CAMTA1: variants seen among roughly 807,000 people sequenced by gnomAD.
The protein encoded by CAMTA1 is calmodulin-binding transcription activator 1.
In CAMTA1, 27 loss-of-function variants were observed where a neutral mutation model predicts 170.9. That is an observed-to-expected ratio of 0.16 (90% confidence interval 0.12 to 0.22). The LOEUF (loss-of-function observed/expected upper bound fraction) is 0.22. Among genes scored for constraint, CAMTA1 ranks in the 10% least tolerant of loss-of-function variants. CAMTA1 has a pLI of 1.00. For synonymous variants in CAMTA1, 833 were observed against 891.5 expected (o/e 0.93, Z 1.17); for missense variants, 1,619 against 2,217.2 (o/e 0.73, Z 5.42).
At chr1:7,631,092 T>A (rs1369978220) in intron 6 of CAMTA1, among the ~76,000 whole-genome samples, 1 of 151,968 alleles carries the variant, frequency 6.6e-6, no homozygotes, top group African/African-American at 2.4e-5. Context: ...CCACAGAGGG[T>A]GTTCTAACTA....
At chr1:7,353,705 T>G (rs912913202) in intron 5 of CAMTA1, among the ~76,000 whole-genome samples, 5 of 152,178 alleles carry the variant, frequency 3.3e-5, no homozygotes, top group African/African-American at 1.2e-4. Flanking sequence ...ATTACAGGTG[T>G]GAGCCACCGT....
At chr1:7,017,790 C>G (rs1275483579) in intron 3 of CAMTA1, among the ~76,000 whole-genome samples, 1 of 152,180 alleles carries the variant, frequency 6.6e-6, no homozygotes, top group Non-Finnish European at 1.5e-5. Flanking sequence ...AAGCCTGACC[C>G]CTGCCTGTTT....
chr1:7,430,262 G>C (rs1287567434), intron 5 of CAMTA1, among the ~76,000 whole-genome samples: 1 of 151,972 alleles, frequency 6.6e-6, no homozygotes, highest in African/African-American at 2.4e-5. Context: ...TGCTGATGAT[G>C]ATGGGGATGA....
At chr1:7,211,914 T>G (rs976630393) in intron 4 of CAMTA1, among the ~76,000 whole-genome samples, 4 of 152,252 alleles carry the variant, frequency 2.6e-5, no homozygotes, top group African/African-American at 9.6e-5. Context: ...TGATACCAAT[T>G]CTAGTCCAAC....
intron 5 of CAMTA1, among the ~76,000 whole-genome samples, chr1:7,406,416 G>A (rs531757320): frequency 1.3e-5 from 2 of 152,164 alleles, no homozygotes; most frequent in Non-Finnish European, 2.9e-5. Flanking sequence ...AGTCCTCCAC[G>A]TCTTAGATGA....
chr1:7,091,488 C>A (rs766221336), intron 4 of CAMTA1, 117 bp downstream of exon 4: 2 of 778,320 alleles, frequency 2.6e-6, no homozygotes, highest in Non-Finnish European at 4.5e-6. Context: ...CCATGTTGTG[C>A]TGGATGGCTT....
intron 1 of CAMTA1, among the ~76,000 whole-genome samples, chr1:6,809,667 C>A (rs947689852): frequency 2.6e-5 from 4 of 151,984 alleles, no homozygotes; most frequent in Non-Finnish European, 5.9e-5. Flanking sequence ...GGAAGGGGAG[C>A]AGAGAAGGGG....
At chr1:7,047,721 C>CTT (rs61590402) in intron 3 of CAMTA1, among the ~76,000 whole-genome samples, 22 of 129,482 alleles carry the variant, frequency 1.7e-4, no homozygotes, top group African/African-American at 5.6e-4. Context: ...CTCTCTCTCT[C>CTT]TTTTTTTTTT....
chr1:6,974,736 G>A (rs1693116881), intron 3 of CAMTA1, among the ~76,000 whole-genome samples: 1 of 152,224 alleles, frequency 6.6e-6, no homozygotes, highest in Non-Finnish European at 1.5e-5. Context: ...GGCTCAGAAG[G>A]CTTCAGTTTG....
rs2092920014 is a variant in CAMTA1, at chr1:7,455,121, G to C, written c.439-12709G>C. ...ATCTGCAGGTGTTTGAGGCACATTT[G>C]TTTTCAGGGGAAGGGGCGCTGCTGT... On this transcript the variant is annotated intron_variant, in intron 5 of 22. Transcript: ENST00000303635. The surrounding 1 kb of genome is among the most constrained non-coding windows in gnomAD (Gnocchi z 5.0). Among the ~76,000 whole-genome samples, 1 of 152,156 alleles carries C rather than the reference G, an allele frequency of 6.6e-6. No individual in the cohort carries two copies. Among genetic ancestry groups the C allele is most frequent in the African/African-American group, 2.4e-5 (1 of 41,426 alleles).
intron 16 of CAMTA1, among the ~76,000 whole-genome samples, chr1:7,744,615 G>T (rs2150091732): frequency 6.6e-6 from 1 of 152,306 alleles, no homozygotes; most frequent in Non-Finnish European, 1.5e-5. Context: ...AAGGTTTGGG[G>T]CCAGACTATG....
In CAMTA1 at chr1:7,758,828, G is replaced by A. The variant is rs560113024; in HGVS notation, c.4989+3160G>A. Among the ~76,000 whole-genome samples, 3 of 151,518 alleles carry A rather than the reference G, an allele frequency of 2.0e-5. No individual in the cohort carries two copies. In the South Asian group the frequency reaches 6.3e-4, roughly 32 times the overall value. On this transcript the variant is annotated intron_variant, in intron 22 of 22. Coordinates refer to ENST00000303635, the MANE Select transcript of CAMTA1 (RefSeq NM_015215.4). ...CGGGCGCCTGTAGTCCCAGCTACTC[G>A]GGAGGCTGAGGCAGGAGAATGGTGT...
chr1:7,441,881 T>C (rs1318652105), intron 5 of CAMTA1, among the ~76,000 whole-genome samples: 1 of 152,156 alleles, frequency 6.6e-6, no homozygotes, highest in African/African-American at 2.4e-5. Context: ...CCAACGTGGG[T>C]TCTGCCTCCC....
chr1:7,570,885 T>G lies in CAMTA1; in HGVS notation c.511-69515T>G, dbSNP rs1231536291. 6.6e-6 allele frequency among the ~76,000 whole-genome samples: 1 copy of G among 152,048 alleles called. No individual in the cohort carries two copies. Among genetic ancestry groups the G allele is most frequent in the African/African-American group, 2.4e-5 (1 of 41,378 alleles). On this transcript the variant is annotated intron_variant, in intron 6 of 22. Coordinates refer to ENST00000303635, the MANE Select transcript of CAMTA1 (RefSeq NM_015215.4). This position sits in a 1 kb window ranked among gnomAD's most constrained non-coding sequence, Gnocchi z 4.3. The stretch of plus-strand genomic sequence containing the variant: ...TGGCCTCCCCCATGAACCAGCTGGG[T>G]GATGTCAGGAGGCTCCTTAACCACT...
In CAMTA1 at chr1:7,176,813, T is replaced by A. The variant is rs374961316; in HGVS notation, c.303-72678T>A. Among the ~76,000 whole-genome samples, 44 of 152,294 alleles carry A rather than the reference T, an allele frequency of 2.9e-4. 3 individuals are homozygous for A. In the South Asian group the frequency reaches 8.1e-3, roughly 28 times the overall value. ...TGGCTGTGCCATCTTGGGCAGGCCC[T>A]GTGACCAGTGTCCACAGGAGAGATT... On this transcript the variant is annotated intron_variant, in intron 4 of 22. Coordinates refer to ENST00000303635, the MANE Select transcript of CAMTA1 (RefSeq NM_015215.4).
At chr1:7,020,570 CAG>C (rs1187545157) in intron 3 of CAMTA1, among the ~76,000 whole-genome samples, 2 of 152,248 alleles carry the variant, frequency 1.3e-5, no homozygotes, top group African/African-American at 4.8e-5. Flanking sequence ...AGGCAACAAA[CAG>C]ATAAATTGAC....
chr1:6,953,278 CTCTT>C (rs1262672593), intron 3 of CAMTA1, among the ~76,000 whole-genome samples: 1 of 152,220 alleles, frequency 6.6e-6, no homozygotes, highest in Non-Finnish European at 1.5e-5. Flanking sequence ...CGAGAGCTCT[CTCTT>C]TTCACCATGC....
intron 5 of CAMTA1, among the ~76,000 whole-genome samples, chr1:7,326,878 A>G (rs1209291124): frequency 1.3e-5 from 2 of 152,308 alleles, no homozygotes; most frequent in Non-Finnish European, 1.5e-5. Context: ...TGTCAGGGAC[A>G]TAGGAGGTCC....
intron 6 of CAMTA1, among the ~76,000 whole-genome samples, chr1:7,523,970 A>T (rs1164984004): frequency 6.6e-6 from 1 of 152,154 alleles, no homozygotes; most frequent in Non-Finnish European, 1.5e-5. Context: ...TGGGAAGCTG[A>T]GGCGGGTGGA....
Sources: gnomAD v4.1 joint callset for allele counts (sites outside exome capture counted in the v4.1 genomes callset) on GRCh38, gnomAD v4.1.1 for gene constraint, Gnocchi (gnomAD v3.1) non-coding constraint, MANE v1.5 for transcripts, NCBI Gene and HGNC (gene_info 2026-07-23, HGNC 2026-07-21) for gene names.